IFTAP: variants seen among roughly 807,000 people sequenced by gnomAD.
IFTAP encodes the protein intraflagellar transport associated protein.
A neutral mutation model predicts 19.4 loss-of-function variants in IFTAP; 19 were observed. The observed-to-expected ratio is 0.98, with a 90% CI of 0.68 to 1.44. IFTAP has a LOEUF of 1.44. Ranked by LOEUF, IFTAP falls within the 40% of genes most tolerant of loss-of-function variation. The pLI is 0.00. For missense variants in IFTAP, 240 were observed against 253.6 expected (o/e 0.95, Z 0.36); for synonymous variants, 85 against 83.5 (o/e 1.02, Z -0.10).
At chr11:36,638,999 CTG>C (rs1272364005) in intron 4 of IFTAP, among the ~76,000 whole-genome samples, 7 of 152,296 alleles carry the variant, frequency 4.6e-5, no homozygotes, top group African/African-American at 1.7e-4. Flanking sequence ...GTTTGGTGCA[CTG>C]TGTTTATTTG....
At chr11:36,630,397 C>A (rs891494010) in intron 2 of IFTAP, among the ~76,000 whole-genome samples, 2 of 151,260 alleles carry the variant, frequency 1.3e-5, no homozygotes, top group African/African-American at 4.9e-5. Flanking sequence ...TGAACAAGTT[C>A]TTTTCTACAT....
In IFTAP at chr11:36,627,912, C is replaced by T. The variant is rs181256013; in HGVS notation, c.137-5372C>T. Among the ~76,000 whole-genome samples, 64 of 151,132 alleles carry T rather than the reference C, an allele frequency of 4.2e-4. 3 individuals carry two copies. Among genetic ancestry groups the T allele is most frequent in the African/African-American group, 1.3e-3 (53 of 40,568 alleles). On this transcript the variant is annotated intron_variant, in intron 2 of 5. Transcript: ENST00000334307. ...AGTACAGATTGCAGTGGAAAGATAA[C>T]GTGATGATTCTGTGATATCTGGAGA...
intron 5 of IFTAP, among the ~76,000 whole-genome samples, chr11:36,650,536 C>T (rs1425988055): frequency 1.6e-5 from 2 of 123,380 alleles, no homozygotes; most frequent in Non-Finnish European, 1.7e-5. Context: ...CTAATTTTAC[C>T]ACTGGTTCTT....
chr11:36,630,176 G>A (rs926360321), intron 2 of IFTAP, among the ~76,000 whole-genome samples: 5 of 151,374 alleles, frequency 3.3e-5, no homozygotes, highest in Non-Finnish European at 5.9e-5. Context: ...GGCTGTGCCA[G>A]CATCTGCCAT....
chr11:36,628,351 C>T (rs956256414), intron 2 of IFTAP, among the ~76,000 whole-genome samples: 2 of 151,354 alleles, frequency 1.3e-5, no homozygotes, highest in African/African-American at 4.9e-5. Context: ...ACAGTGCTCA[C>T]CTGTTGAAAT....
intron 5 of IFTAP, among the ~76,000 whole-genome samples, chr11:36,653,971 T>A (rs922702812): frequency 6.6e-6 from 1 of 152,180 alleles, no homozygotes; most frequent in African/African-American, 2.4e-5. Flanking sequence ...CCCGTCAACA[T>A]GTAAACGTGT....
chr11:36,625,556 G>A (rs1409322460), intron 2 of IFTAP, among the ~76,000 whole-genome samples: 2 of 152,040 alleles, frequency 1.3e-5, no homozygotes, highest in East Asian at 3.9e-4. Flanking sequence ...CTCTTTTTGT[G>A]GGACATTTGA....
At chr11:36,636,404 G>A (rs542520942) in intron 4 of IFTAP, among the ~76,000 whole-genome samples, 1 of 152,300 alleles carries the variant, frequency 6.6e-6, no homozygotes, top group South Asian at 2.1e-4. Flanking sequence ...TGGAGCCATT[G>A]TAAGTCAACT....
At chr11:36,617,796 C>A (rs1452135246) in intron 2 of IFTAP, among the ~76,000 whole-genome samples, 1 of 151,912 alleles carries the variant, frequency 6.6e-6, no homozygotes, top group African/African-American at 2.4e-5. Context: ...GCTCAGGGAA[C>A]TGAAAGTCAT....
intron 1 of IFTAP, among the ~76,000 whole-genome samples, chr11:36,607,238 CCAT>C (rs915379905): frequency 6.6e-6 from 1 of 151,922 alleles, no homozygotes; most frequent in Non-Finnish European, 1.5e-5. Flanking sequence ...TAAGACTGAT[CCAT>C]CATCATCATC....
chr11:36,650,944 C>T (rs1853698409), intron 5 of IFTAP, among the ~76,000 whole-genome samples: 2 of 152,162 alleles, frequency 1.3e-5, no homozygotes, highest in Non-Finnish European at 2.9e-5. Context: ...TTTTCTTAAT[C>T]CAGTCTATCA....
chr11:36,614,380 C>T (rs1204453168), intron 2 of IFTAP, among the ~76,000 whole-genome samples: 17 of 148,464 alleles, frequency 1.1e-4, no homozygotes, highest in African/African-American at 2.0e-4. Context: ...AATAAACATA[C>T]GTGTGCATGT....
At chr11:36,641,130 C>T (rs1233073092) in intron 4 of IFTAP, among the ~76,000 whole-genome samples, 1 of 152,074 alleles carries the variant, frequency 6.6e-6, no homozygotes, top group African/African-American at 2.4e-5. Context: ...TCAACTAAAA[C>T]AGTGTATTTC....
At chr11:36,633,786 C>G (rs866904675) in intron 3 of IFTAP, among the ~76,000 whole-genome samples, 1 of 152,038 alleles carries the variant, frequency 6.6e-6, no homozygotes, top group South Asian at 2.1e-4. Flanking sequence ...TTTCTTTCAC[C>G]TGTCCTAGAT....
chr11:36,611,453 A>T (rs952607405), intron 2 of IFTAP, among the ~76,000 whole-genome samples: 54 of 152,070 alleles, frequency 3.6e-4, no homozygotes, highest in African/African-American at 1.0e-3. Flanking sequence ...GAGTTCCATA[A>T]TCTCTGAGGT....
At chr11:36,612,308 A>G (rs1265860134) in intron 2 of IFTAP, among the ~76,000 whole-genome samples, 1 of 151,706 alleles carries the variant, frequency 6.6e-6, no homozygotes, top group Non-Finnish European at 1.5e-5. Flanking sequence ...AAATATCCCT[A>G]GGCACCAGTG....
intron 4 of IFTAP, among the ~76,000 whole-genome samples, chr11:36,641,330 G>C (rs1254068039): frequency 6.6e-6 from 1 of 151,912 alleles, no homozygotes; most frequent in Non-Finnish European, 1.5e-5. Flanking sequence ...ACAAATATTG[G>C]AACACTTGTC....
chr11:36,632,531 G>T (rs1316683406), intron 2 of IFTAP, among the ~76,000 whole-genome samples: 1 of 151,006 alleles, frequency 6.6e-6, no homozygotes, highest in African/African-American at 2.5e-5. Context: ...TGATATAATT[G>T]TCTTAGTCTC....
chr11:36,626,728 A>T (rs1257410244), intron 2 of IFTAP, among the ~76,000 whole-genome samples: 2 of 151,070 alleles, frequency 1.3e-5, no homozygotes, highest in African/African-American at 4.9e-5. Flanking sequence ...TGATCCTAGG[A>T]CTCTGATGGT....
Sources: allele counts gnomAD v4.1 joint callset (sites outside exome capture counted in the v4.1 genomes callset), GRCh38; gene constraint gnomAD v4.1.1; transcripts MANE v1.5; gene names NCBI Gene and HGNC (gene_info 2026-07-23, HGNC 2026-07-21).